Variants in CHEK2 observed in about 807,000 individuals in gnomAD.
The protein encoded by CHEK2 is serine/threonine-protein kinase Chk2.
Under a neutral mutation model 69.1 loss-of-function variants are expected in CHEK2, and 71 were observed. The ratio of observed to expected loss-of-function variants is 1.03; its 90% confidence interval spans 0.85 to 1.25. The LOEUF is 1.25. Among genes scored for constraint, CHEK2 ranks in the 50% most tolerant of loss-of-function variants. The pLI, the probability that CHEK2 is intolerant of heterozygous loss-of-function variation, is 0.00. For missense variants in CHEK2, 664 were observed against 649.6 expected, an observed-to-expected ratio of 1.02 and a Z score of -0.24; for synonymous variants, 189 against 226.9, an observed-to-expected ratio of 0.83 and a Z score of 1.50.
At chr22:28,689,531 A>G (rs1246473205) in intron 13 of CHEK2, 2 of 376,404 alleles carry the variant, frequency 5.3e-6, no homozygotes, top group African/African-American at 4.2e-5. Flanking sequence ...AAAGGTGGCA[A>G]TCAGGAGGCC....
At chr22:28,733,047 C>T (rs1397424901) in intron 2 of CHEK2, among the ~76,000 whole-genome samples, 1 of 152,176 alleles carries the variant, frequency 6.6e-6, no homozygotes, top group East Asian at 1.9e-4. Flanking sequence ...CCGCTTTGGC[C>T]TCCCAAAGTG....
At chr22:28,731,600 A>G (rs999372821) in intron 2 of CHEK2, among the ~76,000 whole-genome samples, 1 of 151,500 alleles carries the variant, frequency 6.6e-6, no homozygotes, top group Non-Finnish European at 1.5e-5. Flanking sequence ...CGTCTCAAAT[A>G]ATAATAATAA....
At chr22:28,705,078 CTTTT>C (rs71866422) in intron 7 of CHEK2, among the ~76,000 whole-genome samples, 2 of 135,022 alleles carry the variant, frequency 1.5e-5, no homozygotes, top group African/African-American at 2.7e-5. Flanking sequence ...AAATCCAAAT[CTTTT>C]TTTTTTTTTT....
At chr22:28,710,194 G>T in intron 6 of CHEK2, 135 bp from the exon 7 acceptor site, 1 of 615,726 alleles carries the variant, frequency 1.6e-6, no homozygotes. Context: ...AGAAATCAAA[G>T]CCCAGGTCAA....
At chr22:28,706,413 T>A (rs1316604034) in intron 7 of CHEK2, among the ~76,000 whole-genome samples, 1 of 152,020 alleles carries the variant, frequency 6.6e-6, no homozygotes, top group Non-Finnish European at 1.5e-5. Context: ...GCTCGAGTCA[T>A]GTGGTCAGGT....
Position 28,689,974 on chromosome 22 carries a change from A to G in CHEK2, c.1462-759T>C, listed in dbSNP as rs565443441. ...CTTCAGCAAGGTGAAAGGAACATCC[A>G]TAACTAGGAATGTGGCCTTTGAGTG... is the stretch of plus-strand genomic sequence containing the variant. On this transcript the variant is annotated intron_variant, in intron 13 of 14. Transcript: ENST00000404276. Among the ~76,000 whole-genome samples, 10 of 152,300 alleles carry G rather than the reference A, an allele frequency of 6.6e-5. No individual in the cohort carries two copies. The South Asian group carries it at 1.5e-3, about 22-fold the overall frequency.
chr22:28,690,596 C>A (rs1296491464), intron 13 of CHEK2, among the ~76,000 whole-genome samples: 1 of 150,808 alleles, frequency 6.6e-6, no homozygotes, highest in Non-Finnish European at 1.5e-5. Flanking sequence ...CCACTGCACT[C>A]CAGCCTGGGC....
chr22:28,713,385 A>G (rs1256408352), intron 5 of CHEK2, among the ~76,000 whole-genome samples: 1 of 146,922 alleles, frequency 6.8e-6, no homozygotes, highest in Non-Finnish European at 1.5e-5. Flanking sequence ...TTTGAGATGG[A>G]GTCTCGCTCA....
At chr22:28,713,749 C>T (rs928177057) in intron 5 of CHEK2, among the ~76,000 whole-genome samples, 1 of 151,866 alleles carries the variant, frequency 6.6e-6, no homozygotes, top group Non-Finnish European at 1.5e-5. Context: ...GGCACAATCT[C>T]GGCTCACTAC....
rs1057521375 is a variant in CHEK2 at position 28,695,260 on chromosome 22, G to C, written c.1260-18C>G. The C allele has an allele frequency of 7.1e-7, 1 of 1,415,292 alleles. No homozygotes were observed. Among genetic ancestry groups the C allele is most frequent in the South Asian group, 1.2e-5 (1 of 86,800 alleles). The allele number at this position is 1,415,292 out of a possible 1,614,324, so 87.7% of individuals were successfully genotyped here. A position where few individuals can be genotyped will look rare whatever the true frequency, so the allele number is the denominator to read the frequency against. Reference sequence around the variant, plus strand: ...CACTAAGGCTTAATATTGGTAGAGAGAGAAAGGAAAAGAAATCAAGTGGCA... The same window carrying C: ...CACTAAGGCTTAATATTGGTAGAGACAGAAAGGAAAAGAAATCAAGTGGCA... On this transcript the variant is annotated intron_variant, in intron 11 of 14. Transcript: ENST00000404276.
At chr22:28,722,364 C>T (rs896920627) in intron 4 of CHEK2, among the ~76,000 whole-genome samples, 13 of 151,530 alleles carry the variant, frequency 8.6e-5, no homozygotes, top group African/African-American at 2.9e-4. Flanking sequence ...CACGGTGAAA[C>T]CCCGTCTCTA....
chr22:28,701,869 A>G (rs1435865861), intron 8 of CHEK2, among the ~76,000 whole-genome samples: 1 of 152,196 alleles, frequency 6.6e-6, no homozygotes, highest in African/African-American at 2.4e-5. Context: ...GAGCTCTCTC[A>G]GAGACCAAAA....
chr22:28,721,756 G>A (rs1490926113), intron 4 of CHEK2: 2 of 346,430 alleles, frequency 5.8e-6, no homozygotes, highest in Non-Finnish European at 1.2e-5. Context: ...TTTGAGACAC[G>A]TTCTTACTCT....
intron 7 of CHEK2, among the ~76,000 whole-genome samples, chr22:28,705,747 G>A (rs950327186): frequency 1.3e-5 from 2 of 151,852 alleles, no homozygotes; most frequent in Non-Finnish European, 2.9e-5. Flanking sequence ...CTAACATGGT[G>A]AAACCCTGTC....
At chr22:28,688,137 G>A in intron 14 of CHEK2, 151 bp from the exon 15 acceptor site, 2 of 674,054 alleles carry the variant, frequency 3.0e-6, no homozygotes, top group Non-Finnish European at 5.2e-6. Flanking sequence ...ATTGACAACT[G>A]AGTCCTCACC....
chr22:28,690,805 A>C (rs1170021781), intron 13 of CHEK2, among the ~76,000 whole-genome samples: 7 of 149,640 alleles, frequency 4.7e-5, no homozygotes, highest in Non-Finnish European at 1.0e-4. Flanking sequence ...GGAAGAAAGG[A>C]AAGAAGCAAG....
chr22:28,698,500 T>G (rs985080383), intron 9 of CHEK2, among the ~76,000 whole-genome samples: 1 of 152,152 alleles, frequency 6.6e-6, no homozygotes, highest in Non-Finnish European at 1.5e-5. Flanking sequence ...TGCAAAATCT[T>G]TACTGGGAAA....
rs922730783 is a variant in CHEK2, at chr22:28,698,095, T to A, written c.1009-1108A>T. Among the ~76,000 whole-genome samples, 264 of 151,722 alleles carry A rather than the reference T, an allele frequency of 1.7e-3. 2 individuals carry two copies. Among genetic ancestry groups the A allele is most frequent in the Middle Eastern group, 3.4e-3 (1 of 294 alleles). On this transcript the variant is annotated intron_variant, in intron 9 of 14. Transcript: ENST00000404276. ...TTAAAATTAAAATTAAATTTTTTTT[T>A]TAAAAAGGCTTGTGGGCGGGCACGG...
chr22:28,731,845 T>C (rs1259404025), intron 2 of CHEK2, among the ~76,000 whole-genome samples: 1 of 152,136 alleles, frequency 6.6e-6, no homozygotes, highest in East Asian at 1.9e-4. Context: ...TTTCTTACTT[T>C]TAAAGGTGAT....
Sources: allele counts gnomAD v4.1 joint callset (sites outside exome capture counted in the v4.1 genomes callset), GRCh38; gene constraint gnomAD v4.1.1; transcripts MANE v1.5; gene names NCBI Gene and HGNC (gene_info 2026-07-23, HGNC 2026-07-21).